UTRN: variants seen among roughly 807,000 people sequenced by gnomAD.
UTRN encodes utrophin.
UTRN carries 283 observed loss-of-function variants against 463.9 expected under a neutral mutation model. The ratio of observed to expected loss-of-function variants is 0.61; its 90% CI spans 0.55 to 0.67. The LOEUF is 0.67. Among genes scored for constraint, UTRN ranks in the 30% least tolerant of loss-of-function variants. The probability of loss-of-function intolerance (pLI) is 0.00; values close to 1 mark genes in which losing one functional copy is unlikely to be tolerated. For synonymous variants in UTRN, 1,442 were observed against 1,431.5 expected, an observed-to-expected ratio of 1.01 and a Z score of -0.17; for missense variants, 3,922 against 4,084.3, an observed-to-expected ratio of 0.96 and a Z score of 1.08.
intron 41 of UTRN, among the ~76,000 whole-genome samples, chr6:144,523,754 T>C (rs1796328246): frequency 6.6e-6 from 1 of 152,216 alleles, no homozygotes; most frequent in African/African-American, 2.4e-5. Context: ...CCATTCTCTT[T>C]AAAAAAACTA....
rs979702784 is a variant in UTRN at position 144,286,582 on chromosome 6, C to T, written c.-93+761C>T. Reference sequence around the variant, plus strand: ...GCTGCAACTGACAAGGTAATTCATGCCCCGCTTTGGCCCGGGGTCCGAGGC... The same window carrying T: ...GCTGCAACTGACAAGGTAATTCATGTCCCGCTTTGGCCCGGGGTCCGAGGC... On this transcript the variant is annotated intron_variant, in intron 1 of 74. Coordinates refer to ENST00000367545, the MANE Select transcript of UTRN (RefSeq NM_007124.3). This position sits in a 1 kb window ranked among gnomAD's most constrained non-coding sequence, Gnocchi z 4.4. 2.6e-5 allele frequency among the ~76,000 whole-genome samples: 4 copies of T among 152,248 alleles called. No homozygotes were observed. The highest frequency in any genetic ancestry group is 2.0e-4 in the Admixed American group (3 of 15,294).
intron 51 of UTRN, among the ~76,000 whole-genome samples, chr6:144,664,694 A>G (rs1170579993): frequency 6.6e-6 from 1 of 151,986 alleles, no homozygotes; most frequent in African/African-American, 2.4e-5. Flanking sequence ...TAGAGTGATT[A>G]AAATCTGTGA....
intron 51 of UTRN, among the ~76,000 whole-genome samples, chr6:144,604,320 A>G (rs1196098396): frequency 6.6e-6 from 1 of 152,176 alleles, no homozygotes; most frequent in Non-Finnish European, 1.5e-5. Flanking sequence ...CTTCCACTCA[A>G]TTATGAATGA....
chr6:144,422,804 T>C (rs1310905982), intron 4 of UTRN, among the ~76,000 whole-genome samples: 1 of 152,166 alleles, frequency 6.6e-6, no homozygotes, highest in African/African-American at 2.4e-5. Context: ...ACTCTAGAGG[T>C]AGAATTACTA....
At chr6:144,449,520 G>A (rs1788040221) in intron 17 of UTRN, among the ~76,000 whole-genome samples, 1 of 152,120 alleles carries the variant, frequency 6.6e-6, no homozygotes, top group Non-Finnish European at 1.5e-5. Flanking sequence ...CATTGGAAAC[G>A]TGCGATTTTT....
At chr6:144,400,127 T>A (rs1782808304) in intron 2 of UTRN, among the ~76,000 whole-genome samples, 1 of 152,168 alleles carries the variant, frequency 6.6e-6, no homozygotes, top group Non-Finnish European at 1.5e-5. Flanking sequence ...ACAAAATGGT[T>A]TTCAAAAATC....
intron 51 of UTRN, among the ~76,000 whole-genome samples, chr6:144,627,454 T>C (rs1337404764): frequency 6.6e-6 from 1 of 152,194 alleles, no homozygotes; most frequent in Admixed American, 6.5e-5. Flanking sequence ...TTAAAAACTA[T>C]GGTGAAATAT....
intron 51 of UTRN, among the ~76,000 whole-genome samples, chr6:144,619,479 G>A (rs1366949205): frequency 6.6e-6 from 1 of 152,106 alleles, no homozygotes; most frequent in Non-Finnish European, 1.5e-5. Context: ...TCTTAAACCA[G>A]AATATGGGAG....
At chr6:144,697,805 T>C (rs1784176705) in intron 52 of UTRN, among the ~76,000 whole-genome samples, 1 of 152,244 alleles carries the variant, frequency 6.6e-6, no homozygotes, top group Non-Finnish European at 1.5e-5. Flanking sequence ...AGTTTCATTA[T>C]TTCTGTGCAG....
At chr6:144,435,126 A>AT (rs1786410099) in intron 9 of UTRN, among the ~76,000 whole-genome samples, 1 of 152,154 alleles carries the variant, frequency 6.6e-6, no homozygotes, top group Admixed American at 6.5e-5. Context: ...ATACTTGAGC[A>AT]TTTTTTGTAT....
At chr6:144,417,233 C>T (rs1412726324) in intron 3 of UTRN, among the ~76,000 whole-genome samples, 1 of 152,078 alleles carries the variant, frequency 6.6e-6, no homozygotes, top group Non-Finnish European at 1.5e-5. Context: ...ATATTTTTTT[C>T]CCTACATATC....
At position 144,636,544 on chromosome 6, in the gene UTRN, A is replaced by T. The variant is rs551200575; in HGVS notation, c.7480-41862A>T. The stretch of plus-strand genomic sequence containing the variant: ...TGTATCCCAGGACTTAAAGTATAAT[A>T]AAAAAAAAATAGTTTTAAGCTGGTT... On this transcript the variant is annotated intron_variant, in intron 51 of 74. Transcript: ENST00000367545. Among the ~76,000 whole-genome samples the T allele has an allele frequency of 4.5e-3, 613 of 135,652 alleles. 1 individual carries two copies. Among genetic ancestry groups the T allele is most frequent in the African/African-American group, 0.021 (574 of 27,910 alleles). 89.0% of individuals were successfully genotyped at this position (135,652 alleles called of 152,430 possible). A position where few individuals can be genotyped will look rare whatever the true frequency, so the allele number is the denominator to read the frequency against.
intron 52 of UTRN, among the ~76,000 whole-genome samples, chr6:144,690,130 T>TGTGTGTGTGTGTGTGTG (rs1562770946): frequency 6.1e-5 from 7 of 115,218 alleles, no homozygotes; most frequent in Non-Finnish European, 8.6e-5. Context: ...TGTGTGTGTG[T>TGTGTGTGTGTGTGTGTG]TAAGCTACCA....
intron 51 of UTRN, among the ~76,000 whole-genome samples, chr6:144,658,317 A>T (rs1045726881): frequency 6.6e-6 from 1 of 152,242 alleles, no homozygotes; most frequent in African/African-American, 2.4e-5. Flanking sequence ...AACACATGCT[A>T]TTTAAATACT....
intron 52 of UTRN, among the ~76,000 whole-genome samples, chr6:144,694,019 C>T (rs1360352584): frequency 6.6e-6 from 1 of 151,954 alleles, no homozygotes; most frequent in Non-Finnish European, 1.5e-5. Context: ...ATGTTGTTGG[C>T]TGTGGGGTGT....
chr6:144,446,990 A>C (rs1189404914), intron 14 of UTRN, among the ~76,000 whole-genome samples: 1 of 152,188 alleles, frequency 6.6e-6, no homozygotes, highest in Non-Finnish European at 1.5e-5. Flanking sequence ...GTATGAGGCT[A>C]ATGTCTGATT....
intron 54 of UTRN, among the ~76,000 whole-genome samples, chr6:144,735,511 C>T (rs1789283770): frequency 6.6e-6 from 1 of 151,908 alleles, no homozygotes; most frequent in African/African-American, 2.4e-5. Flanking sequence ...CTACAGAGGA[C>T]CTGGAAAGTC....
chr6:144,801,534 A>G (rs1777698572), intron 64 of UTRN, among the ~76,000 whole-genome samples: 2 of 152,084 alleles, frequency 1.3e-5, no homozygotes, highest in African/African-American at 4.8e-5. Context: ...CAAGATATAT[A>G]TATATATATT....
At chr6:144,681,696 G>A (rs912654387) in intron 52 of UTRN, among the ~76,000 whole-genome samples, 2 of 150,750 alleles carry the variant, frequency 1.3e-5, no homozygotes, top group Non-Finnish European at 2.9e-5. Context: ...GAAGGGAAGA[G>A]GAGGGAAGAA....
Sources: allele counts gnomAD v4.1 joint callset (sites outside exome capture counted in the v4.1 genomes callset), GRCh38; gene constraint gnomAD v4.1.1; non-coding constraint Gnocchi (gnomAD v3.1); transcripts MANE v1.5; gene names NCBI Gene and HGNC (gene_info 2026-07-23, HGNC 2026-07-21).